The following GATA3 variants were observed in gnomAD, a reference collection of about 807,000 sequenced individuals.
GATA3 encodes trans-acting T-cell-specific transcription factor GATA-3.
A neutral mutation model predicts 36.0 loss-of-function variants in GATA3; 6 were observed. The observed-to-expected ratio is 0.17, with a 90% CI of 0.09 to 0.33. The LOEUF is 0.33. GATA3 is among the 10% of genes least tolerant of loss of function. GATA3 has a pLI of 1.00. For missense variants in GATA3, 514 were observed against 610.1 expected, an observed-to-expected ratio of 0.84 and a Z score of 1.66; for synonymous variants, 326 against 273.0, an observed-to-expected ratio of 1.19 and a Z score of -1.92.
At chr10:8,068,800 T>C (rs1407181447) in intron 4 of GATA3, among the ~76,000 whole-genome samples, 1 of 152,234 alleles carries the variant, frequency 6.6e-6, no homozygotes, top group Non-Finnish European at 1.5e-5. Context: ...TAGGAGGTCT[T>C]GTTGACCTAG....
At chr10:8,054,087 A>G (rs1485657251), upstream of GATA3, among the ~76,000 whole-genome samples, 1 of 152,132 alleles carries the variant, frequency 6.6e-6, no homozygotes, top group African/African-American at 2.4e-5. This position sits in a 1 kb window ranked among gnomAD's most constrained non-coding sequence, Gnocchi z 4.2. Context: ...AGTCAAAGGC[A>G]TCTCCCCTTT....
Position 8,055,761 on chromosome 10 carries a change from A to G in GATA3, c.106A>G (p.Met36Val), listed in dbSNP as rs939494825. 1 of 1,587,584 alleles carries G rather than the reference A, an allele frequency of 6.3e-7. No individual in the cohort carries two copies. Among genetic ancestry groups the G allele is most frequent in the Non-Finnish European group, 8.6e-7 (1 of 1,167,116 alleles). The change falls in exon 2 of 6, where the codon ATG becomes GTG. Residue 36 changes from methionine (M) to valine (V), a missense_variant. Physicochemically the swap from Met to Val is conservative, Grantham distance 21. This residue lies in a region of GATA3 where 381 missense variants were observed against 354.3 expected (regional missense o/e 1.08). Transcript: ENST00000379328. The surrounding 1 kb of genome is among the most constrained non-coding windows in gnomAD (Gnocchi z 5.4). Reference protein sequence around the residue: ...THHPGLSHSYMDAAQYPLPEE... With the variant: ...THHPGLSHSYVDAAQYPLPEE... ...CCACCCGGGCCTCAGCCACTCCTACATGGACGCGGCGCAGTACCCGCTGCC... is the reference window on the plus strand; with the variant it reads ...CCACCCGGGCCTCAGCCACTCCTACGTGGACGCGGCGCAGTACCCGCTGCC...
At chr10:8,054,437 G>A (rs866927433), upstream of GATA3, among the ~76,000 whole-genome samples, 1 of 152,092 alleles carries the variant, frequency 6.6e-6, no homozygotes, top group African/African-American at 2.4e-5. This position sits in a 1 kb window ranked among gnomAD's most constrained non-coding sequence, Gnocchi z 4.2. Flanking sequence ...CCCAAGCCCC[G>A]CGGGCCTCGC....
chr10:8,047,027 G>T (rs1290077217), intron 1 of GATA3, among the ~76,000 whole-genome samples: 1 of 152,234 alleles, frequency 6.6e-6, no homozygotes, highest in Non-Finnish European at 1.5e-5. Flanking sequence ...CCCACCAAAA[G>T]CAAGGAGATC....
At chr10:8,052,273 T>TG (rs1832515530), upstream of GATA3, 1 of 151,484 alleles carries the variant, frequency 6.6e-6, no homozygotes, top group Non-Finnish European at 1.5e-5. Context: ...TTTCTAAAGG[T>TG]GGGGGTTGCC....
chr10:8,060,940 G>C (rs1450911862), intron 3 of GATA3, among the ~76,000 whole-genome samples: 1 of 152,108 alleles, frequency 6.6e-6, no homozygotes, highest in Non-Finnish European at 1.5e-5. Flanking sequence ...AGCACACCTG[G>C]CAGGGGCGGC....
At chr10:8,066,035 A>C (rs1477476869) in intron 4 of GATA3, among the ~76,000 whole-genome samples, 19 of 149,782 alleles carry the variant, frequency 1.3e-4, no homozygotes, top group Admixed American at 1.3e-3. Flanking sequence ...TCTTGTTAAA[A>C]TGTGTCTTGG....
chr10:8,068,069 G>A (rs933922999), intron 4 of GATA3, among the ~76,000 whole-genome samples: 8 of 152,126 alleles, frequency 5.3e-5, no homozygotes, highest in African/African-American at 1.4e-4. Flanking sequence ...TACATTAGAA[G>A]TGACCCAACT....
chr10:8,060,959 T>TG (rs1329984397), intron 3 of GATA3, among the ~76,000 whole-genome samples: 2 of 152,070 alleles, frequency 1.3e-5, no homozygotes, highest in African/African-American at 4.8e-5. Flanking sequence ...GCGAGCGAGC[T>TG]GGGACTTTTG....
intron 1 of GATA3, among the ~76,000 whole-genome samples, chr10:8,046,648 A>AGTGTGC (rs1554792665): frequency 1.5e-5 from 2 of 137,774 alleles, no homozygotes; most frequent in African/African-American, 5.5e-5. Context: ...AATGGCTGGC[A>AGTGTGC]GTGTGTGTGT....
At chr10:8,056,756 T>C (rs1399180) in intron 2 of GATA3, among the ~76,000 whole-genome samples, 113,889 of 152,054 alleles carry the variant, frequency 0.75, 44,432 homozygotes, top group East Asian at 0.96. Flanking sequence ...CACCTCTTTC[T>C]CCCTTTCACC....
chr10:8,046,648 AGTGTGTGTGTGT>A (rs55947422), intron 1 of GATA3, among the ~76,000 whole-genome samples: 6,056 of 137,858 alleles, frequency 0.044, 446 homozygotes, highest in African/African-American at 0.16. Context: ...AATGGCTGGC[AGTGTGTGTGTGT>A]GTGTGTGTGT....
chr10:8,069,000 G>A (rs191625347), intron 4 of GATA3, among the ~76,000 whole-genome samples: 1 of 152,354 alleles, frequency 6.6e-6, no homozygotes, highest in Admixed American at 6.5e-5. Flanking sequence ...AATGCATCCT[G>A]ATGGCTGGAG....
Position 8,058,811 on chromosome 10 carries a change from A to C in GATA3, c.748A>C (p.Lys250Gln). ...CGGCTCCCCCACCGGCTTCGGATGCAAGTCCAGGCCCAAGGCCCGGTCCAG... is the reference window on the plus strand; with the variant it reads ...CGGCTCCCCCACCGGCTTCGGATGCCAGTCCAGGCCCAAGGCCCGGTCCAG... ...LGGSPTGFGCKSRPKARSSTE... is the reference protein window; with the variant it reads ...LGGSPTGFGCQSRPKARSSTE... Residue 250 changes from lysine (K) to glutamine (Q), a missense_variant, in exon 3 of 6, where the codon AAG becomes CAG. Coordinates refer to ENST00000379328, the MANE Select transcript of GATA3 (RefSeq NM_001002295.2). The C allele has an allele frequency of 6.2e-7, 1 of 1,606,384 alleles. No individual in the cohort carries two copies. Among genetic ancestry groups the C allele is most frequent in the Non-Finnish European group, 8.5e-7 (1 of 1,179,866 alleles).
At chr10:8,065,928 G>A (rs1055022298) in intron 4 of GATA3, among the ~76,000 whole-genome samples, 50 of 43,568 alleles carry the variant, frequency 1.1e-3, no homozygotes, top group East Asian at 2.2e-3. Flanking sequence ...CACCACAAAA[G>A]AATGTTTTGA....
chr10:8,051,349 C>T (rs1250307471), upstream of GATA3: 1 of 266,638 alleles, frequency 3.8e-6, no homozygotes, highest in Non-Finnish European at 7.9e-6. Context: ...TGCTGCCGAC[C>T]CGCACGCCGC....
chr10:8,069,855 G>A (rs1284396885), intron 5 of GATA3, among the ~76,000 whole-genome samples: 2 of 151,754 alleles, frequency 1.3e-5, no homozygotes, highest in Non-Finnish European at 2.9e-5. Context: ...GCAGCAATCC[G>A]ATGTGCTGAG....
chr10:8,048,821 C>G (rs533909955), upstream of GATA3, among the ~76,000 whole-genome samples: 45 of 152,326 alleles, frequency 3.0e-4, no homozygotes, highest in African/African-American at 1.0e-3. Context: ...CCTGTCTCCC[C>G]CTTTCCGCTG....
At chr10:8,069,631 C>G (rs935934354) in intron 5 of GATA3, 33 bp downstream of exon 5, 1 of 1,613,126 alleles carries the variant, frequency 6.2e-7, no homozygotes, top group Non-Finnish European at 8.5e-7. Context: ...GAACAGGGCT[C>G]GCTTCCTGAT....
Sources: allele counts gnomAD v4.1 joint callset (sites outside exome capture counted in the v4.1 genomes callset), GRCh38; gene constraint gnomAD v4.1.1; regional missense constraint gnomAD v4.1.1; non-coding constraint Gnocchi (gnomAD v3.1); transcripts MANE v1.5; gene names NCBI Gene and HGNC (gene_info 2026-07-23, HGNC 2026-07-21).